Variants in ANK1 observed in about 807,000 individuals in gnomAD.
The protein encoded by ANK1 is ankyrin 1.
A neutral mutation model predicts 210.4 loss-of-function variants in ANK1; 51 were observed. That is an observed-to-expected ratio of 0.24 (90% CI 0.19 to 0.31). The LOEUF (loss-of-function observed/expected upper bound fraction) is 0.31. Among genes scored for constraint, ANK1 ranks in the 10% least tolerant of loss-of-function variants. The probability of loss-of-function intolerance (pLI) is 1.00; values close to 1 mark genes in which losing one functional copy is unlikely to be tolerated. For missense variants in ANK1, 2,051 were observed against 2,504.4 expected (o/e 0.82, Z 3.86); for synonymous variants, 967 against 1,025.9 (o/e 0.94, Z 1.10).
chr8:41,741,981 T>C (rs1022415827), intron 2 of ANK1, among the ~76,000 whole-genome samples: 3 of 152,264 alleles, frequency 2.0e-5, no homozygotes, highest in Non-Finnish European at 4.4e-5. Context: ...CTGCCTTTGC[T>C]CTTTTTCAGG....
chr8:41,736,536 C>G (rs1309205830), intron 2 of ANK1, among the ~76,000 whole-genome samples: 1 of 152,188 alleles, frequency 6.6e-6, no homozygotes, highest in Non-Finnish European at 1.5e-5. Context: ...AGTGACAGCC[C>G]GGCAGCTGCT....
chr8:41,664,156 A>G, intron 39 of ANK1: 1 of 458,330 alleles, frequency 2.2e-6, no homozygotes, highest in Non-Finnish European at 4.4e-6. Context: ...GAAACCCCAG[A>G]GCCAGTTGGT....
chr8:41,835,330 T>C (rs1275620475), intron 1 of ANK1, among the ~76,000 whole-genome samples: 1 of 152,158 alleles, frequency 6.6e-6, no homozygotes, highest in East Asian at 1.9e-4. Context: ...CGGGTGCCTG[T>C]AATTCCAGCT....
intron 37 of ANK1, among the ~76,000 whole-genome samples, chr8:41,681,263 G>T (rs563469081): frequency 8.5e-4 from 129 of 152,352 alleles, no homozygotes; most frequent in African/African-American, 2.9e-3. Context: ...CAGGTCAAAT[G>T]GAACTCACAC....
intron 21 of ANK1, among the ~76,000 whole-genome samples, 158 bp from the exon 22 acceptor site, chr8:41,701,780 G>A (rs923232385): frequency 6.6e-6 from 1 of 152,230 alleles, no homozygotes; most frequent in African/African-American, 2.4e-5. Flanking sequence ...CAGGAACCAC[G>A]GGGACGGGAC....
chr8:41,745,093 CAGACAGAGACAG>C (rs367627117), intron 2 of ANK1, among the ~76,000 whole-genome samples: 634 of 38,372 alleles, frequency 0.017, 2 homozygotes, highest in African/African-American at 0.03. Flanking sequence ...CGTGAGAAAA[CAGACAGAGACAG>C]AGAGACAGAG....
chr8:41,708,524 G>T (rs149868537), intron 17 of ANK1, among the ~76,000 whole-genome samples: 1 of 152,196 alleles, frequency 6.6e-6, no homozygotes, highest in Non-Finnish European at 1.5e-5. Flanking sequence ...AGATCCTTAG[G>T]TCAATCTGTT....
intron 38 of ANK1, 52 bp from the exon 39 acceptor site, chr8:41,668,616 C>A (rs750239863): frequency 6.4e-7 from 1 of 1,554,228 alleles, no homozygotes; most frequent in East Asian, 2.3e-5. Context: ...AGAAAAGACA[C>A]CTGGTCACCC....
At chr8:41,859,042 G>A (rs1812740232) in intron 1 of ANK1, among the ~76,000 whole-genome samples, 1 of 152,196 alleles carries the variant, frequency 6.6e-6, no homozygotes, top group Non-Finnish European at 1.5e-5. Context: ...GCTTGGTGCC[G>A]CAGGAGAGCA....
chr8:41,697,833 C>T (rs562001538), intron 24 of ANK1: 29 of 647,598 alleles, frequency 4.5e-5, no homozygotes, highest in Admixed American at 6.3e-5. Context: ...GAAAGGGCCC[C>T]ATCTGACCAT....
intron 10 of ANK1, among the ~76,000 whole-genome samples, chr8:41,718,731 T>G (rs116367399): frequency 0.022 from 3,413 of 152,096 alleles, 121 homozygotes; most frequent in African/African-American, 0.077. Context: ...GAGGTGGTGG[T>G]GGGGGGGTAT....
chr8:41,806,703 C>T (rs1851017343), intron 1 of ANK1, among the ~76,000 whole-genome samples: 1 of 152,156 alleles, frequency 6.6e-6, no homozygotes, highest in South Asian at 2.1e-4. Flanking sequence ...TATGATGGTG[C>T]CACTGCACTC....
In ANK1 at chr8:41,813,415, G is replaced by A. The variant is rs76065107; in HGVS notation, c.127-55278C>T. Among the ~76,000 whole-genome samples, 807 of 152,206 alleles carry A rather than the reference G, an allele frequency of 5.3e-3. 14 individuals carry two copies. The East Asian group carries it at 0.053, about 10-fold the overall frequency. ...AATTCAGGTTCCAGTACAGTTTAGA[G>A]GTAGATAAACATCTCAAGAAACATG... On this transcript the variant is annotated intron_variant, in intron 1 of 42. Transcript: ENST00000265709.
chr8:41,749,914 A>G (rs540621721), intron 2 of ANK1, among the ~76,000 whole-genome samples: 1 of 152,356 alleles, frequency 6.6e-6, no homozygotes, highest in South Asian at 2.1e-4. Context: ...GCCCAGCCTC[A>G]TCTTGGACTT....
intron 1 of ANK1, among the ~76,000 whole-genome samples, chr8:41,759,132 G>T (rs956617305): frequency 2.6e-5 from 4 of 152,082 alleles, no homozygotes; most frequent in Admixed American, 2.6e-4. Context: ...TACATATACA[G>T]TCAAGCCCAT....
chr8:41,746,667 A>T (rs1323661656), intron 2 of ANK1, among the ~76,000 whole-genome samples: 1 of 152,108 alleles, frequency 6.6e-6, no homozygotes, highest in African/African-American at 2.4e-5. Context: ...ATTGTACAGA[A>T]CTCGCAGCAG....
intron 35 of ANK1, among the ~76,000 whole-genome samples, chr8:41,686,955 A>G (rs751773082): frequency 6.6e-6 from 1 of 152,196 alleles, no homozygotes; most frequent in Non-Finnish European, 1.5e-5. Context: ...GAACACGCAC[A>G]TACAACACAA....
intron 1 of ANK1, chr8:41,828,023 C>T (rs1439410972): frequency 6.6e-6 from 1 of 152,154 alleles, no homozygotes; most frequent in Non-Finnish European, 1.5e-5. Flanking sequence ...AGGAAGCCCC[C>T]ACTGTTTGCA....
chr8:41,681,578 C>G (rs570821662), intron 37 of ANK1, among the ~76,000 whole-genome samples: 52 of 152,340 alleles, frequency 3.4e-4, no homozygotes, highest in African/African-American at 1.2e-3. Context: ...GTCCCAGGGC[C>G]TCAGAAGGAG....
Sources: allele counts gnomAD v4.1 joint callset (sites outside exome capture counted in the v4.1 genomes callset), GRCh38; gene constraint gnomAD v4.1.1; transcripts MANE v1.5; gene names NCBI Gene and HGNC (gene_info 2026-07-23, HGNC 2026-07-21).